NME7: variants seen among roughly 807,000 people sequenced by gnomAD.
NME7 encodes the protein nucleoside diphosphate kinase 7.
In NME7, 41 loss-of-function variants were observed where a neutral mutation model predicts 49.1. The ratio of observed to expected loss-of-function variants is 0.83; its 90% CI spans 0.65 to 1.08. The LOEUF is 1.08. Among genes scored for constraint, NME7 ranks in the 50% least tolerant of loss-of-function variants. NME7 has a pLI of 0.00. For synonymous variants in NME7, 139 were observed against 150.6 expected (o/e 0.92, Z 0.56); for missense variants, 423 against 463.4 (o/e 0.91, Z 0.80).
chr1:169,227,836 GGCTGA>G (rs1420555102), intron 10 of NME7, among the ~76,000 whole-genome samples: 9 of 152,100 alleles, frequency 5.9e-5, no homozygotes, highest in Non-Finnish European at 1.3e-4. Flanking sequence ...CACATTCCCA[GGCTGA>G]GCTAAGTGCT....
chr1:169,166,465 G>T (rs1481733699), intron 11 of NME7, among the ~76,000 whole-genome samples: 1 of 152,026 alleles, frequency 6.6e-6, no homozygotes, highest in Admixed American at 6.6e-5. Flanking sequence ...GAAACTTATG[G>T]TGATAAATTT....
At chr1:169,150,763 GA>G (rs10689301) in intron 11 of NME7, among the ~76,000 whole-genome samples, 199 of 124,302 alleles carry the variant, frequency 1.6e-3, no homozygotes, top group Non-Finnish European at 1.6e-3. Flanking sequence ...GCTGGAAAAG[GA>G]AAAAAAAAAA....
intron 11 of NME7, among the ~76,000 whole-genome samples, chr1:169,161,220 G>T (rs1659233489): frequency 6.6e-6 from 1 of 152,086 alleles, no homozygotes; most frequent in South Asian, 2.1e-4. Context: ...TCTACCTCCT[G>T]GTCAAAGCCC....
At chr1:169,291,517 G>A (rs1353786726) in intron 6 of NME7, among the ~76,000 whole-genome samples, 2 of 152,030 alleles carry the variant, frequency 1.3e-5, no homozygotes, top group African/African-American at 4.8e-5. Context: ...TGGGGGGCTA[G>A]GGGAAGGATA....
At chr1:169,212,495 C>T (rs1571295608) in intron 10 of NME7, among the ~76,000 whole-genome samples, 1 of 88,416 alleles carries the variant, frequency 1.1e-5, no homozygotes, top group South Asian at 2.6e-4. Flanking sequence ...AAATTTGAGT[C>T]ACTCAAATGA....
At chr1:169,135,315 T>C (rs1237868376) in intron 11 of NME7, among the ~76,000 whole-genome samples, 4 of 152,126 alleles carry the variant, frequency 2.6e-5, no homozygotes, top group Non-Finnish European at 5.9e-5. Context: ...ACATTATCAG[T>C]GATCAGAAAC....
In NME7 at chr1:169,297,975, T is replaced by C. The variant is rs115151413; in HGVS notation, c.648+581A>G. On this transcript the variant is annotated intron_variant, in intron 6 of 11. Transcript: ENST00000367811. ...TATAAAACTGTCTAATATTGTTTCA[T>C]TGCAAACACAACCAGATTAAAAACT... Among the ~76,000 whole-genome samples, 137 of 152,288 alleles carry C rather than the reference T, an allele frequency of 9.0e-4. 1 individual carries two copies. The highest frequency in any genetic ancestry group is 3.2e-3 in the African/African-American group (133 of 41,570).
intron 1 of NME7, among the ~76,000 whole-genome samples, chr1:169,346,244 A>G (rs553305987): frequency 2.0e-5 from 3 of 152,180 alleles, no homozygotes; most frequent in East Asian, 3.9e-4. Flanking sequence ...AAATTTGCCA[A>G]CTCAGCCTAT....
intron 10 of NME7, chr1:169,190,769 A>G (rs1660196342): frequency 2.9e-6 from 1 of 345,872 alleles, no homozygotes. Flanking sequence ...TATGGCATTT[A>G]TCACAGGAAG....
At chr1:169,163,572 T>C (rs963754233) in intron 11 of NME7, among the ~76,000 whole-genome samples, 2 of 152,138 alleles carry the variant, frequency 1.3e-5, no homozygotes, top group African/African-American at 2.4e-5. Flanking sequence ...AAGAACCTTA[T>C]TGAGACAATT....
chr1:169,208,308 A>G (rs1027709197), intron 10 of NME7, among the ~76,000 whole-genome samples: 9 of 152,146 alleles, frequency 5.9e-5, no homozygotes, highest in African/African-American at 2.2e-4. Context: ...AGTACTAAGA[A>G]CTATTAATAC....
chr1:169,233,527 A>C (rs758927588), intron 9 of NME7, among the ~76,000 whole-genome samples: 11 of 152,320 alleles, frequency 7.2e-5, no homozygotes, highest in Admixed American at 1.3e-4. Context: ...ACGATACACA[A>C]CATCAAAGTA....
intron 1 of NME7, among the ~76,000 whole-genome samples, chr1:169,353,744 T>A (rs1653274041): frequency 2.0e-5 from 3 of 151,636 alleles, no homozygotes; most frequent in African/African-American, 7.3e-5. Flanking sequence ...GGGCAAAAAA[T>A]CTCAATATAC....
intron 7 of NME7, among the ~76,000 whole-genome samples, chr1:169,241,764 GAAA>G (rs921488203): frequency 4.6e-5 from 7 of 151,340 alleles, no homozygotes; most frequent in African/African-American, 1.7e-4. Flanking sequence ...TAATTGCATA[GAAA>G]AAAATTCAAA....
rs549084192 is a variant in NME7 at position 169,160,551 on chromosome 1, CTCA to C, written c.1098+8893_1098+8895del. 1.4e-4 allele frequency among the ~76,000 whole-genome samples: 21 copies of C among 152,106 alleles called. No individual in the cohort carries two copies. The South Asian group carries it at 1.9e-3, about 14-fold the overall frequency. Reference sequence around the variant, plus strand: ...ATACTCCAAGGGGTCTGGGAAGTCACTCATCATCAAATACATTAATATTTTTAC... The same window carrying C: ...ATACTCCAAGGGGTCTGGGAAGTCACTCATCAAATACATTAATATTTTTAC... On this transcript the variant is annotated intron_variant, in intron 11 of 11. Transcript: ENST00000367811.
chr1:169,172,305 CACAAAA>C (rs1659622166), intron 10 of NME7, among the ~76,000 whole-genome samples: 1 of 150,334 alleles, frequency 6.7e-6, no homozygotes, highest in African/African-American at 2.5e-5. Context: ...AAAACAAACC[CACAAAA>C]ACAAAAACAT....
intron 9 of NME7, among the ~76,000 whole-genome samples, 192 bp downstream of exon 9, chr1:169,234,939 C>T (rs1290608187): frequency 6.6e-6 from 1 of 152,088 alleles, no homozygotes; most frequent in African/African-American, 2.4e-5. Flanking sequence ...GGAAATTTGG[C>T]TCGCTCTCTC....
intron 11 of NME7, among the ~76,000 whole-genome samples, chr1:169,134,476 T>C (rs938035316): frequency 2.6e-5 from 4 of 152,176 alleles, no homozygotes; most frequent in Non-Finnish European, 4.4e-5. Context: ...TTTTCAAAGA[T>C]AGGCTGACTA....
In NME7 at chr1:169,261,944, G is replaced by A. The variant is rs761331715; in HGVS notation, c.755-24257C>T. On this transcript the variant is annotated intron_variant, in intron 7 of 11. Transcript: ENST00000367811. The stretch of plus-strand genomic sequence containing the variant: ...CTACTGGTTCAGGTTCTAGTCTCAC[G>A]TCCCAACCACATGAAGGACTTAAGA... 3.0e-5 allele frequency among the ~76,000 whole-genome samples: 4 copies of A among 133,978 alleles called. No individual in the cohort carries two copies. The East Asian group carries it at 6.0e-4, about 20-fold the overall frequency. The allele number at this position is 133,978 out of a possible 152,430, so 87.9% of individuals were successfully genotyped here.
Sources: allele counts gnomAD v4.1 joint callset (sites outside exome capture counted in the v4.1 genomes callset), GRCh38; gene constraint gnomAD v4.1.1; transcripts MANE v1.5; gene names NCBI Gene and HGNC (gene_info 2026-07-23, HGNC 2026-07-21).